Variants in BCAS3 observed in about 807,000 individuals in gnomAD.
BCAS3 encodes BCAS4/BCAS3 fusion.
In BCAS3, 53 loss-of-function variants were observed where a neutral mutation model predicts 116.1. The observed-to-expected ratio is 0.46, with a 90% CI of 0.37 to 0.57. BCAS3 has a LOEUF of 0.57. Ranked by LOEUF, BCAS3 falls within the 20% of genes least tolerant of loss-of-function variation. BCAS3 has a pLI of 0.00. For synonymous variants in BCAS3, 391 were observed against 408.2 expected (o/e 0.96, Z 0.51); for missense variants, 917 against 1,165.4 (o/e 0.79, Z 3.10).
intron 6 of BCAS3, among the ~76,000 whole-genome samples, chr17:60,755,299 T>G (rs925174272): frequency 6.6e-6 from 1 of 152,216 alleles, no homozygotes; most frequent in East Asian, 1.9e-4. Context: ...ATATAATGCT[T>G]GATACTCTTC....
chr17:61,181,360 A>G lies in BCAS3; in HGVS notation c.2425+96796A>G, dbSNP rs1177702785. Among the ~76,000 whole-genome samples, 1 of 152,228 alleles carries G rather than the reference A, an allele frequency of 6.6e-6. No homozygotes were observed. The highest frequency in any genetic ancestry group is 1.5e-5 in the Non-Finnish European group (1 of 68,040). On this transcript the variant is annotated intron_variant, in intron 22 of 23. Coordinates refer to ENST00000407086, the MANE Select transcript of BCAS3 (RefSeq NM_017679.5). This position sits in a 1 kb window ranked among gnomAD's most constrained non-coding sequence, Gnocchi z 5.0. Reference sequence around the variant, plus strand: ...GATTTTAATCAGATCAGAGCAAAGTATGGAGTTGCCATGAAATAATTCTGA... The same window carrying G: ...GATTTTAATCAGATCAGAGCAAAGTGTGGAGTTGCCATGAAATAATTCTGA...
chr17:61,128,386 G>T lies in BCAS3; in HGVS notation c.2425+43822G>T. ...GATGTACAGGCTTATTTAAGTGAAA[G>T]GTGGGACACCAGTAGATATACATTC... is the stretch of plus-strand genomic sequence containing the variant. On this transcript the variant is annotated intron_variant, in intron 22 of 23. Coordinates refer to ENST00000407086, the MANE Select transcript of BCAS3 (RefSeq NM_017679.5). This position sits in a 1 kb window ranked among gnomAD's most constrained non-coding sequence, Gnocchi z 4.1. The T allele has an allele frequency of 1.0e-6, 1 of 985,414 alleles. No individual in the cohort carries two copies. Among genetic ancestry groups the T allele is most frequent in the Non-Finnish European group, 1.2e-6 (1 of 829,922 alleles). The allele number at this position is 985,414 out of a possible 1,614,324, so 61.0% of individuals were successfully genotyped here. A position where few individuals can be genotyped will look rare whatever the true frequency, so the allele number is the denominator to read the frequency against.
At chr17:61,289,065 CA>C (rs2144695611) in intron 22 of BCAS3, among the ~76,000 whole-genome samples, 1 of 152,374 alleles carries the variant, frequency 6.6e-6, no homozygotes, top group South Asian at 2.1e-4. Flanking sequence ...CCCTCCTTTC[CA>C]CCCCTTAGTC....
chr17:60,858,531 C>T (rs2053874412), intron 7 of BCAS3, among the ~76,000 whole-genome samples: 1 of 152,046 alleles, frequency 6.6e-6, no homozygotes, highest in African/African-American at 2.4e-5. Context: ...GAGTACTTTT[C>T]ATTGCATTAA....
At chr17:60,935,915 T>G (rs1189409482) in intron 13 of BCAS3, among the ~76,000 whole-genome samples, 4 of 151,944 alleles carry the variant, frequency 2.6e-5, no homozygotes, top group Admixed American at 1.3e-4. Flanking sequence ...ATGCAGGTTA[T>G]TTACATATGT....
chr17:61,374,680 A>G (rs2059246654), intron 23 of BCAS3, among the ~76,000 whole-genome samples: 1 of 152,236 alleles, frequency 6.6e-6, no homozygotes, highest in African/African-American at 2.4e-5. Flanking sequence ...TGGGGATAAC[A>G]TAGTGGGCTC....
intron 5 of BCAS3, among the ~76,000 whole-genome samples, chr17:60,711,655 T>TAATTATTATGC (rs2037940792): frequency 6.6e-6 from 1 of 152,186 alleles, no homozygotes; most frequent in African/African-American, 2.4e-5. Context: ...GTAATTAAGG[T>TAATTATTATGC]CTTTATTTCT....
chr17:61,048,405 C>T (rs1008503675), intron 19 of BCAS3, among the ~76,000 whole-genome samples: 1 of 151,964 alleles, frequency 6.6e-6, no homozygotes, highest in Non-Finnish European at 1.5e-5. Context: ...CTTAGTTTAT[C>T]GTCTTTGGAG....
chr17:61,137,836 G>A (rs1341719214), intron 22 of BCAS3, among the ~76,000 whole-genome samples: 4 of 152,190 alleles, frequency 2.6e-5, no homozygotes, highest in Admixed American at 2.6e-4. Context: ...TCTGTGGACG[G>A]TGATGGGTTT....
chr17:60,765,346 G>T (rs2043983862), intron 6 of BCAS3, among the ~76,000 whole-genome samples: 1 of 152,096 alleles, frequency 6.6e-6, no homozygotes, highest in African/African-American at 2.4e-5. Flanking sequence ...TCCTTTCTAT[G>T]TTTAGTGATT....
chr17:61,214,368 A>AAAAC lies in BCAS3; in HGVS notation c.2425+129807_2425+129808insCAAA, dbSNP rs2081646469. The stretch of plus-strand genomic sequence containing the variant: ...GGCCACAGAGCAAGACCCTATCTCA[A>AAAAC]AAATAAATAAATAAATAAATAAATA... On this transcript the variant is annotated intron_variant, in intron 22 of 23. Coordinates refer to ENST00000407086, the MANE Select transcript of BCAS3 (RefSeq NM_017679.5). The surrounding 1 kb of genome is among the most constrained non-coding windows in gnomAD (Gnocchi z 4.4). Among the ~76,000 whole-genome samples the AAAAC allele has an allele frequency of 6.7e-6, 1 of 150,076 alleles. No homozygotes were observed. Among genetic ancestry groups the AAAAC allele is most frequent in the African/African-American group, 2.5e-5 (1 of 39,984 alleles).
chr17:60,920,520 C>G (rs1465076244), intron 12 of BCAS3, among the ~76,000 whole-genome samples: 1 of 152,106 alleles, frequency 6.6e-6, no homozygotes, highest in Non-Finnish European at 1.5e-5. Flanking sequence ...CAGGGAAATG[C>G]TAATCAAAGC....
rs1020010398 is a variant in BCAS3, at chr17:61,343,758, G to A, written c.2426-24569G>A. Reference sequence around the variant, plus strand: ...TGATTATCCTCTGTCTAAGTCAAAAGCAGCTTAATTCCTCTAAAAACAGTG... The same window carrying A: ...TGATTATCCTCTGTCTAAGTCAAAAACAGCTTAATTCCTCTAAAAACAGTG... On this transcript the variant is annotated intron_variant, in intron 22 of 23. Coordinates refer to ENST00000407086, the MANE Select transcript of BCAS3 (RefSeq NM_017679.5). This position sits in a 1 kb window ranked among gnomAD's most constrained non-coding sequence, Gnocchi z 5.5. Among the ~76,000 whole-genome samples, 4 of 152,214 alleles carry A rather than the reference G, an allele frequency of 2.6e-5. No individual in the cohort carries two copies. Among genetic ancestry groups the A allele is most frequent in the Non-Finnish European group, 5.9e-5 (4 of 68,050 alleles).
chr17:61,335,085 C>T (rs2056616072), intron 22 of BCAS3, among the ~76,000 whole-genome samples: 1 of 152,258 alleles, frequency 6.6e-6, no homozygotes, highest in Non-Finnish European at 1.5e-5. Context: ...ATCACTGCCC[C>T]AGCTTTCAGC....
chr17:61,099,328 G>A (rs1453373436), intron 22 of BCAS3, among the ~76,000 whole-genome samples: 1 of 152,114 alleles, frequency 6.6e-6, no homozygotes, highest in East Asian at 1.9e-4. Flanking sequence ...AATAATGATA[G>A]TCAGTGATGA....
rs945526423 is a variant in BCAS3 at position 61,020,639 on chromosome 17, A to G, written c.1637+4738A>G. 3.3e-5 allele frequency among the ~76,000 whole-genome samples: 5 copies of G among 152,340 alleles called. No individual in the cohort carries two copies. Among genetic ancestry groups the G allele is most frequent in the South Asian group, 2.1e-4 (1 of 4,830 alleles). ...GAATTAGGTGCTAAGAGGTTGCACCATATCTTGGATGTTAGGTTTGTAGTA... is the reference window on the plus strand; with the variant it reads ...GAATTAGGTGCTAAGAGGTTGCACCGTATCTTGGATGTTAGGTTTGTAGTA... On this transcript the variant is annotated intron_variant, in intron 16 of 23. Transcript: ENST00000407086. The surrounding 1 kb of genome is among the most constrained non-coding windows in gnomAD (Gnocchi z 4.5).
At chr17:60,910,943 G>A (rs923671849) in intron 12 of BCAS3, among the ~76,000 whole-genome samples, 2 of 151,988 alleles carry the variant, frequency 1.3e-5, no homozygotes, top group Non-Finnish European at 2.9e-5. Flanking sequence ...TCTCTTATCT[G>A]TGAGGACATT....
At position 61,181,795 on chromosome 17, in the gene BCAS3, A is replaced by G. The variant is rs1222956544; in HGVS notation, c.2425+97231A>G. Among the ~76,000 whole-genome samples the G allele has an allele frequency of 6.6e-6, 1 of 152,060 alleles. No individual in the cohort carries two copies. Among genetic ancestry groups the G allele is most frequent in the Non-Finnish European group, 1.5e-5 (1 of 68,006 alleles). ...TGCCTTTATTCTTGAGTTGAAGTAC[A>G]TGATATGACAGCAGAGGTTGGAAAC... On this transcript the variant is annotated intron_variant, in intron 22 of 23. Coordinates refer to ENST00000407086, the MANE Select transcript of BCAS3 (RefSeq NM_017679.5). This position sits in a 1 kb window ranked among gnomAD's most constrained non-coding sequence, Gnocchi z 5.0.
intron 14 of BCAS3, among the ~76,000 whole-genome samples, chr17:60,951,768 T>C (rs993956061): frequency 2.0e-4 from 29 of 143,556 alleles, no homozygotes; most frequent in Middle Eastern, 3.5e-3. Flanking sequence ...TTCTTTCTTT[T>C]TTTTTTTTTT....
Sources: allele counts gnomAD v4.1 joint callset (sites outside exome capture counted in the v4.1 genomes callset), GRCh38; gene constraint gnomAD v4.1.1; non-coding constraint Gnocchi (gnomAD v3.1); transcripts MANE v1.5; gene names NCBI Gene and HGNC (gene_info 2026-07-23, HGNC 2026-07-21).